The following GFRA1 variants were observed in gnomAD, a reference collection of about 807,000 sequenced individuals.
GFRA1 encodes GDNF family receptor alpha 1.
In GFRA1, 16 loss-of-function variants were observed where a neutral mutation model predicts 51.6. The ratio of observed to expected loss-of-function variants is 0.31; its 90% CI spans 0.21 to 0.47. GFRA1 has a LOEUF of 0.47. Among genes scored for constraint, GFRA1 ranks in the 20% least tolerant of loss-of-function variants. GFRA1 has a pLI of 1.00. For synonymous variants in GFRA1, 270 were observed against 241.3 expected (o/e 1.12, Z -1.10); for missense variants, 530 against 594.3 (o/e 0.89, Z 1.13).
chr10:116,210,084 T>C (rs1965074280), intron 5 of GFRA1, among the ~76,000 whole-genome samples: 1 of 152,176 alleles, frequency 6.6e-6, no homozygotes, highest in African/African-American at 2.4e-5. Flanking sequence ...TGCATATCAT[T>C]GTTACTGACA....
chr10:116,086,745 C>T (rs1024734632), intron 9 of GFRA1, among the ~76,000 whole-genome samples: 2 of 152,172 alleles, frequency 1.3e-5, no homozygotes, highest in Non-Finnish European at 2.9e-5. Context: ...CCTCCACAGC[C>T]CCACGCCTTC....
chr10:116,144,479 A>C (rs1340161485), intron 5 of GFRA1, among the ~76,000 whole-genome samples: 6 of 152,094 alleles, frequency 3.9e-5, no homozygotes, highest in Non-Finnish European at 5.9e-5. Context: ...TCAGCTAAGC[A>C]AAACGTACTC....
At chr10:116,083,036 G>A (rs1476143462) in intron 9 of GFRA1, among the ~76,000 whole-genome samples, 13 of 152,194 alleles carry the variant, frequency 8.5e-5, no homozygotes, top group Admixed American at 8.5e-4. Flanking sequence ...AGAGCTCAGT[G>A]GTGTTTTACA....
intron 6 of GFRA1, among the ~76,000 whole-genome samples, chr10:116,114,334 C>A (rs2133978928): frequency 6.6e-6 from 1 of 152,242 alleles, no homozygotes; most frequent in Non-Finnish European, 1.5e-5. Flanking sequence ...ATCTGTGTGC[C>A]AATAATTGTA....
intron 5 of GFRA1, among the ~76,000 whole-genome samples, chr10:116,129,373 T>C (rs1200703230): frequency 6.6e-6 from 1 of 152,168 alleles, no homozygotes; most frequent in Non-Finnish European, 1.5e-5. Context: ...GTTAGTTTAA[T>C]ATTTAAAAAT....
intron 6 of GFRA1, among the ~76,000 whole-genome samples, chr10:116,113,759 AC>A (rs368654578): frequency 1.3e-4 from 20 of 152,270 alleles, no homozygotes; most frequent in African/African-American, 4.6e-4. Context: ...TTCCAGCGGC[AC>A]CACTTGGGTG....
intron 5 of GFRA1, among the ~76,000 whole-genome samples, chr10:116,196,568 AAT>A (rs35918701): frequency 7.1e-5 from 5 of 70,010 alleles, no homozygotes; most frequent in African/African-American, 2.5e-4. Flanking sequence ...TACTATATAT[AAT>A]ATATATAATA....
At chr10:116,204,802 G>C (rs1964603498) in intron 5 of GFRA1, among the ~76,000 whole-genome samples, 1 of 152,192 alleles carries the variant, frequency 6.6e-6, no homozygotes, top group Non-Finnish European at 1.5e-5. Context: ...TAAGTGGCAA[G>C]TCTCCAGTGC....
At chr10:116,108,636 G>A (rs1007623786) in intron 6 of GFRA1, among the ~76,000 whole-genome samples, 6 of 152,054 alleles carry the variant, frequency 3.9e-5, no homozygotes, top group African/African-American at 1.2e-4. Flanking sequence ...CCTCCCAGCC[G>A]AGTGATCCCA....
At position 116,061,770 on chromosome 10, in the gene GFRA1, CAAG is replaced by C. The variant is rs745964859; in HGVS notation, c.*2625_*2627del. 48 of 385,878 alleles carry C rather than the reference CAAG, an allele frequency of 1.2e-4. No individual in the cohort carries two copies. Among genetic ancestry groups the C allele is most frequent in the Admixed American group, 2.7e-4 (6 of 22,348 alleles). 23.9% of individuals were successfully genotyped at this position (385,878 alleles called of 1,614,324 possible). ...GAATCATTTTTGCTTTTAAGCACGCCAAGAAGAAGTGAGACAGGTAAATGATTT... is the reference window on the plus strand; with the variant it reads ...GAATCATTTTTGCTTTTAAGCACGCCAAGAAGTGAGACAGGTAAATGATTT... On this transcript the variant is annotated 3_prime_UTR_variant, in exon 11 of 11. Coordinates refer to ENST00000355422, the MANE Select transcript of GFRA1 (RefSeq NM_005264.8).
chr10:116,174,216 A>G (rs918725038), intron 5 of GFRA1, among the ~76,000 whole-genome samples: 1 of 152,206 alleles, frequency 6.6e-6, no homozygotes, highest in Non-Finnish European at 1.5e-5. Context: ...TGTGAGCTAA[A>G]ATATGATTCC....
At chr10:116,143,346 A>G (rs1463422147) in intron 5 of GFRA1, among the ~76,000 whole-genome samples, 1 of 151,164 alleles carries the variant, frequency 6.6e-6, no homozygotes, top group African/African-American at 2.4e-5. Flanking sequence ...AAAAAAAAAA[A>G]GGACCTAGAA....
intron 5 of GFRA1, among the ~76,000 whole-genome samples, chr10:116,194,957 C>T (rs189117699): frequency 2.0e-4 from 30 of 152,286 alleles, no homozygotes; most frequent in African/African-American, 5.8e-4. Flanking sequence ...ATGTTTTCAG[C>T]GTTTATCGTG....
chr10:116,141,414 T>A (rs912316425), intron 5 of GFRA1, among the ~76,000 whole-genome samples: 1 of 152,212 alleles, frequency 6.6e-6, no homozygotes, highest in East Asian at 1.9e-4. Flanking sequence ...AGGTCTTAGT[T>A]GCGAGCTTTG....
rs139999962 is a variant in GFRA1, at chr10:116,127,350, T to C, written c.434-1793A>G. Among the ~76,000 whole-genome samples the C allele has an allele frequency of 6.6e-5, 10 of 152,334 alleles. 1 individual carries two copies. The East Asian group carries it at 1.9e-3, about 29-fold the overall frequency. On this transcript the variant is annotated intron_variant, in intron 5 of 10. Transcript: ENST00000355422. ...ATTTTAGGAAAAGAACAATTCTCCC[T>C]GTTCTACTGAAGATGCGTCTTGCTT... is the stretch of plus-strand genomic sequence containing the variant.
chr10:116,067,480 C>A (rs1029498199), intron 9 of GFRA1, among the ~76,000 whole-genome samples: 1 of 152,150 alleles, frequency 6.6e-6, no homozygotes, highest in Non-Finnish European at 1.5e-5. Flanking sequence ...AGCCAAGTTG[C>A]GCCTGAGTGT....
At chr10:116,154,969 T>C (rs1266905955) in intron 5 of GFRA1, among the ~76,000 whole-genome samples, 1 of 152,102 alleles carries the variant, frequency 6.6e-6, no homozygotes, top group Non-Finnish European at 1.5e-5. Context: ...CTTCAGAAAA[T>C]ACAACTGACT....
chr10:116,174,920 A>G (rs1961432203), intron 5 of GFRA1, among the ~76,000 whole-genome samples: 1 of 152,142 alleles, frequency 6.6e-6, no homozygotes, highest in Non-Finnish European at 1.5e-5. Context: ...AAAGATTTGC[A>G]CCACCGTTCC....
intron 6 of GFRA1, among the ~76,000 whole-genome samples, chr10:116,114,805 A>G (rs958146291): frequency 3.3e-5 from 5 of 152,216 alleles, no homozygotes; most frequent in Admixed American, 2.0e-4. Flanking sequence ...AAAGAGAAAG[A>G]AGGACATATT....
Sources: gnomAD v4.1 joint callset for allele counts (sites outside exome capture counted in the v4.1 genomes callset) on GRCh38, gnomAD v4.1.1 for gene constraint, MANE v1.5 for transcripts, NCBI Gene and HGNC (gene_info 2026-07-23, HGNC 2026-07-21) for gene names.